POC1B: variants seen among roughly 807,000 people sequenced by gnomAD.
POC1B encodes the protein POC1 centriolar protein B.
A neutral mutation model predicts 60.6 loss-of-function variants in POC1B; 44 were observed. The observed-to-expected ratio is 0.73, with a 90% confidence interval of 0.57 to 0.93. POC1B has a LOEUF of 0.93. Among genes scored for constraint, POC1B ranks in the 40% least tolerant of loss-of-function variants. The pLI is 0.00. For synonymous variants in POC1B, 180 were observed against 198.9 expected (o/e 0.90, Z 0.80); for missense variants, 555 against 572.3 (o/e 0.97, Z 0.31).
intron 10 of POC1B, chr12:89,427,125 T>C (rs1880799665): frequency 6.6e-6 from 1 of 152,196 alleles, no homozygotes; most frequent in Non-Finnish European, 1.5e-5. Flanking sequence ...GAAGGACTCA[T>C]ACTTCCAAAT....
intron 11 of POC1B, among the ~76,000 whole-genome samples, chr12:89,422,105 C>T (rs912840446): frequency 6.6e-6 from 1 of 151,712 alleles, no homozygotes; most frequent in Non-Finnish European, 1.5e-5. Flanking sequence ...ACACAAGGTA[C>T]ATGTGTTATT....
At chr12:89,509,281 AT>A (rs1385857361) in intron 2 of POC1B, among the ~76,000 whole-genome samples, 20 of 152,218 alleles carry the variant, frequency 1.3e-4, no homozygotes, top group African/African-American at 4.8e-4. Flanking sequence ...TGACTCTCAA[AT>A]TGTTCCAGAT....
chr12:89,493,477 C>A (rs1337619519), intron 3 of POC1B, among the ~76,000 whole-genome samples: 2 of 152,152 alleles, frequency 1.3e-5, no homozygotes, highest in Non-Finnish European at 2.9e-5. Flanking sequence ...GTAACTTTAT[C>A]ATAAATTTCC....
intron 4 of POC1B, among the ~76,000 whole-genome samples, chr12:89,483,760 A>C (rs1208905019): frequency 6.6e-6 from 1 of 152,304 alleles, no homozygotes; most frequent in South Asian, 2.1e-4. Flanking sequence ...GATAAACAAG[A>C]AGTTGAGAGA....
intron 10 of POC1B, among the ~76,000 whole-genome samples, chr12:89,455,954 AC>A (rs1882236159): frequency 6.6e-6 from 1 of 152,096 alleles, no homozygotes; most frequent in Non-Finnish European, 1.5e-5. Context: ...AAAAGTAATA[AC>A]CCTAGAGTCT....
chr12:89,410,626 G>A, the POC1B span, among the ~76,000 whole-genome samples: 1 of 150,484 alleles, frequency 6.6e-6, no homozygotes, highest in Non-Finnish European at 1.5e-5. Flanking sequence ...CTTGCAGTGA[G>A]CCGAGATCCG....
At position 89,476,759 on chromosome 12, in the gene POC1B, T is replaced by TAGATAGATAGATAGATAGATAGAC. The variant is rs1485211003; in HGVS notation, c.453-4485_453-4484insGTCTATCTATCTATCTATCTATCT. Among the ~76,000 whole-genome samples, 79 of 58,632 alleles carry TAGATAGATAGATAGATAGATAGAC rather than the reference T, an allele frequency of 1.3e-3. No individual in the cohort carries two copies. In the East Asian group the frequency reaches 0.015, roughly 11 times the overall value. 38.5% of individuals were successfully genotyped at this position (58,632 alleles called of 152,430 possible). ...ATAGATAGATAGATAGATAGATAGA[T>TAGATAGATAGATAGATAGATAGAC]AGACAGACAGACAGACAGACACTTT... On this transcript the variant is annotated intron_variant, in intron 4 of 11. Transcript: ENST00000313546.
chr12:89,439,968 A>T (rs975310337), intron 10 of POC1B, among the ~76,000 whole-genome samples: 4 of 152,156 alleles, frequency 2.6e-5, no homozygotes, highest in Non-Finnish European at 5.9e-5. Flanking sequence ...CTCTGATCCC[A>T]CACATTACTG....
intron 2 of POC1B, chr12:89,501,105 G>C (rs747076354): frequency 3.7e-5 from 46 of 1,256,918 alleles, no homozygotes; most frequent in Non-Finnish European, 5.1e-5. Flanking sequence ...CCATATCCCC[G>C]GCTGAGAGCA....
At chr12:89,440,768 C>T (rs1330294259) in intron 10 of POC1B, among the ~76,000 whole-genome samples, 1 of 152,198 alleles carries the variant, frequency 6.6e-6, no homozygotes, top group Non-Finnish European at 1.5e-5. Flanking sequence ...TTCACTGGGG[C>T]TTGTCGGACA....
At chr12:89,522,526 G>A (rs1231048723) in intron 2 of POC1B, 5 of 351,518 alleles carry the variant, frequency 1.4e-5, no homozygotes, top group Non-Finnish European at 2.0e-5. Context: ...GCACTTAAAT[G>A]TTTTGTGTGT....
intron 2 of POC1B, chr12:89,524,841 C>T: frequency 3.2e-6 from 2 of 618,388 alleles, no homozygotes; most frequent in Non-Finnish European, 5.6e-6. Context: ...GAAACCCCTC[C>T]CCTTCCCACT....
intron 4 of POC1B, among the ~76,000 whole-genome samples, chr12:89,483,679 T>C (rs1390548870): frequency 1.3e-5 from 2 of 152,134 alleles, no homozygotes; most frequent in African/African-American, 4.8e-5. Flanking sequence ...ATGACATCAT[T>C]AAAGCACTAA....
chr12:89,496,849 T>C (rs940379418), intron 3 of POC1B, among the ~76,000 whole-genome samples: 3 of 152,212 alleles, frequency 2.0e-5, no homozygotes, highest in African/African-American at 7.2e-5. Flanking sequence ...TTTTTGGTTA[T>C]ACATACTGAT....
chr12:89,441,995 G>A (rs1285687091), intron 10 of POC1B, among the ~76,000 whole-genome samples: 2 of 152,156 alleles, frequency 1.3e-5, no homozygotes, highest in African/African-American at 2.4e-5. Flanking sequence ...TCAATCAAGT[G>A]GAAGAAAGGG....
Position 89,420,908 on chromosome 12 carries a change from ATCACT to A in POC1B, c.*240_*244del, listed in dbSNP as rs150256169. ...AAAATACAGAGTTGCTTGAATGCTT[ATCACT>A]TTATTACTGCAATCATAAATGATAG... On this transcript the variant is annotated 3_prime_UTR_variant, in exon 12 of 12. Transcript: ENST00000313546. The A allele has an allele frequency of 0.039, 14,390 of 373,312 alleles. 1,226 individuals are homozygous for A. Among genetic ancestry groups the A allele is most frequent in the East Asian group, 0.28 (7,244 of 26,108 alleles). 23.1% of individuals were successfully genotyped at this position (373,312 alleles called of 1,614,324 possible). A position where few individuals can be genotyped will look rare whatever the true frequency, so the allele number is the denominator to read the frequency against.
chr12:89,461,464 C>G (rs1882478436), intron 9 of POC1B, among the ~76,000 whole-genome samples: 1 of 152,120 alleles, frequency 6.6e-6, no homozygotes, highest in South Asian at 2.1e-4. Flanking sequence ...AAGTTGGAAG[C>G]TACAATGTGC....
chr12:89,516,441 C>T lies in POC1B; in HGVS notation c.100+8679G>A, dbSNP rs570176754. Among the ~76,000 whole-genome samples the T allele has an allele frequency of 3.3e-5, 5 of 152,266 alleles. No individual in the cohort carries two copies. In the East Asian group the frequency reaches 7.7e-4, roughly 24 times the overall value. On this transcript the variant is annotated intron_variant, in intron 2 of 11. Transcript: ENST00000313546. ...ATCACACTAATTTGAAGACCATTAT[C>T]CTAGTTTGAACCAACATCATCTGCT...
At chr12:89,521,899 C>T (rs1565762564) in intron 2 of POC1B, 4 of 398,004 alleles carry the variant, frequency 1.0e-5, no homozygotes, top group Non-Finnish European at 1.8e-5. Flanking sequence ...TTCAGTTTCA[C>T]ACATTTTAAT....
Sources: allele counts gnomAD v4.1 joint callset (sites outside exome capture counted in the v4.1 genomes callset), GRCh38; gene constraint gnomAD v4.1.1; transcripts MANE v1.5; gene names NCBI Gene and HGNC (gene_info 2026-07-23, HGNC 2026-07-21).